Variants in CCDC178 observed in about 807,000 individuals in gnomAD.
The protein encoded by CCDC178 is coiled-coil domain containing 178.
Under a neutral mutation model 117.4 loss-of-function variants are expected in CCDC178, and 126 were observed. That is an observed-to-expected ratio of 1.07 (90% CI 0.93 to 1.24). The LOEUF is 1.24. Ranked by LOEUF, CCDC178 falls within the 50% of genes most tolerant of loss-of-function variation. The pLI, the probability that CCDC178 is intolerant of heterozygous loss-of-function variation, is 0.00. For missense variants in CCDC178, 1,030 were observed against 986.9 expected (o/e 1.04, Z -0.59); for synonymous variants, 283 against 313.4 (o/e 0.90, Z 1.02).
chr18:32,954,761 C>A (rs1020391412), intron 22 of CCDC178: 1 of 152,126 alleles, frequency 6.6e-6, no homozygotes, highest in Non-Finnish European at 1.5e-5. Context: ...CATTTTATCT[C>A]TTTCCCCAAA....
At chr18:33,133,111 A>T (rs565361724) in intron 20 of CCDC178, among the ~76,000 whole-genome samples, 16 of 151,946 alleles carry the variant, frequency 1.1e-4, no homozygotes, top group African/African-American at 3.4e-4. Context: ...TAAATCTCAA[A>T]AGCACTGAGA....
intron 21 of CCDC178, among the ~76,000 whole-genome samples, chr18:33,085,177 A>G (rs988880555): frequency 4.6e-5 from 7 of 152,230 alleles, no homozygotes; most frequent in Non-Finnish European, 7.3e-5. Flanking sequence ...TGAAGGACAC[A>G]TATTTATCTA....
chr18:33,317,490 A>G, intron 11 of CCDC178, among the ~76,000 whole-genome samples: 1 of 152,246 alleles, frequency 6.6e-6, no homozygotes, highest in Admixed American at 6.5e-5. Flanking sequence ...GAGACCAAGA[A>G]CCCACCAATT....
chr18:33,431,072 C>T (rs1255558675), intron 2 of CCDC178, among the ~76,000 whole-genome samples: 1 of 119,852 alleles, frequency 8.3e-6, no homozygotes, highest in Non-Finnish European at 1.7e-5. Context: ...GAGACTACGT[C>T]TCAAAAAAAA....
chr18:32,992,713 T>C lies in CCDC178; in HGVS notation c.2389-18032A>G, dbSNP rs116716421. On this transcript the variant is annotated intron_variant, in intron 21 of 22. Coordinates refer to ENST00000383096, the MANE Select transcript of CCDC178 (RefSeq NM_001105528.4). ...TGGTGAGGCAATGGATATGGATATT[T>C]TAATTAGCTTGACTGAATCTTTCTA... Among the ~76,000 whole-genome samples, 816 of 152,274 alleles carry C rather than the reference T, an allele frequency of 5.4e-3. 8 individuals carry two copies. Among genetic ancestry groups the C allele is most frequent in the African/African-American group, 0.018 (740 of 41,550 alleles).
chr18:33,072,861 C>T (rs140242265), intron 21 of CCDC178, among the ~76,000 whole-genome samples: 6 of 152,086 alleles, frequency 3.9e-5, no homozygotes, highest in Admixed American at 3.9e-4. Context: ...CCCATCTTGG[C>T]CTCTCGAACT....
intron 20 of CCDC178, among the ~76,000 whole-genome samples, chr18:33,171,973 C>T (rs986054926): frequency 2.0e-5 from 3 of 152,092 alleles, no homozygotes; most frequent in African/African-American, 7.2e-5. Flanking sequence ...TGCAGTGGCA[C>T]GAACTCGGCT....
chr18:33,139,469 A>T (rs990499515), intron 20 of CCDC178, among the ~76,000 whole-genome samples: 1 of 152,194 alleles, frequency 6.6e-6, no homozygotes, highest in Non-Finnish European at 1.5e-5. Flanking sequence ...TGATATGAAC[A>T]ATAAATTCCA....
intron 20 of CCDC178, among the ~76,000 whole-genome samples, chr18:33,162,954 A>G (rs2058485222): frequency 6.6e-6 from 1 of 152,150 alleles, no homozygotes; most frequent in South Asian, 2.1e-4. Context: ...AAACTCAGTA[A>G]TGGGATTGGT....
intron 21 of CCDC178, among the ~76,000 whole-genome samples, chr18:33,026,005 G>A (rs1205065802): frequency 6.6e-6 from 1 of 151,872 alleles, no homozygotes; most frequent in Non-Finnish European, 1.5e-5. Context: ...ACAAACTATA[G>A]TACAGTCATA....
intron 11 of CCDC178, among the ~76,000 whole-genome samples, chr18:33,304,203 A>G (rs1036091063): frequency 1.3e-5 from 2 of 152,176 alleles, no homozygotes; most frequent in African/African-American, 4.8e-5. Context: ...GTGATCCCCT[A>G]GGTTCTCCAG....
At chr18:33,115,697 G>T (rs1567997878) in intron 20 of CCDC178, among the ~76,000 whole-genome samples, 1 of 151,888 alleles carries the variant, frequency 6.6e-6, no homozygotes, top group Non-Finnish European at 1.5e-5. Context: ...GCATTCCATT[G>T]CTGATAGTCA....
intron 5 of CCDC178, among the ~76,000 whole-genome samples, chr18:33,380,138 G>A (rs1192063515): frequency 6.6e-6 from 1 of 152,144 alleles, no homozygotes; most frequent in African/African-American, 2.4e-5. Flanking sequence ...AGCACAGATA[G>A]ATGCAACTAG....
intron 20 of CCDC178, among the ~76,000 whole-genome samples, chr18:33,209,092 A>T (rs1368482332): frequency 5.9e-5 from 9 of 152,096 alleles, no homozygotes; most frequent in Non-Finnish European, 1.2e-4. Flanking sequence ...TTCCAAAAGC[A>T]AGGACAAACA....
intron 20 of CCDC178, among the ~76,000 whole-genome samples, chr18:33,209,504 T>C (rs1268749708): frequency 6.6e-6 from 1 of 152,060 alleles, no homozygotes; most frequent in Non-Finnish European, 1.5e-5. Context: ...TTTATAATGA[T>C]GCCTTTAATG....
intron 9 of CCDC178, among the ~76,000 whole-genome samples, chr18:33,339,811 C>T (rs187146462): frequency 1.3e-4 from 20 of 152,144 alleles, no homozygotes; most frequent in Admixed American, 3.3e-4. Context: ...CTTTCACCAC[C>T]GGTCATAATT....
At chr18:33,402,495 T>C (rs2063722349) in intron 3 of CCDC178, among the ~76,000 whole-genome samples, 1 of 152,164 alleles carries the variant, frequency 6.6e-6, no homozygotes. Context: ...TAAAGAACTG[T>C]CATTTTTAGA....
At chr18:33,396,149 A>G (rs1220771298) in intron 4 of CCDC178, among the ~76,000 whole-genome samples, 4 of 152,150 alleles carry the variant, frequency 2.6e-5, no homozygotes, top group East Asian at 1.9e-4. Context: ...AAAAAGATTT[A>G]GCCAATTTGC....
chr18:33,331,598 C>G (rs1204379993), intron 10 of CCDC178, among the ~76,000 whole-genome samples: 1 of 152,030 alleles, frequency 6.6e-6, no homozygotes, highest in Non-Finnish European at 1.5e-5. Context: ...GCCAATAACT[C>G]CTACCTACAT....
Sources: allele counts gnomAD v4.1 joint callset (sites outside exome capture counted in the v4.1 genomes callset), GRCh38; gene constraint gnomAD v4.1.1; transcripts MANE v1.5; gene names NCBI Gene and HGNC (gene_info 2026-07-23, HGNC 2026-07-21).